SPAG16: variants seen among roughly 807,000 people sequenced by gnomAD.
SPAG16 encodes the protein sperm associated antigen 16, also known as sperm-associated antigen 16 protein.
SPAG16 carries 86 observed loss-of-function variants against 80.4 expected under a neutral mutation model. The ratio of observed to expected loss-of-function variants is 1.07; its 90% CI spans 0.90 to 1.28. The LOEUF is 1.28. Ranked by LOEUF, SPAG16 falls within the 50% of genes most tolerant of loss-of-function variation. SPAG16 has a pLI of 0.00. For synonymous variants in SPAG16, 294 were observed against 265.9 expected, an observed-to-expected ratio of 1.11 and a Z score of -1.03; for missense variants, 870 against 765.3, an observed-to-expected ratio of 1.14 and a Z score of -1.61.
At chr2:213,892,375 C>A (rs10932509) in intron 11 of SPAG16, among the ~76,000 whole-genome samples, 90,371 of 151,864 alleles carry the variant, frequency 0.6, 28,757 homozygotes, top group South Asian at 0.85. Context: ...GAAATAAATA[C>A]CTAATCTTTC....
intron 10 of SPAG16, among the ~76,000 whole-genome samples, chr2:213,622,214 T>C (rs1224701861): frequency 6.6e-6 from 1 of 152,202 alleles, no homozygotes; most frequent in Non-Finnish European, 1.5e-5. Context: ...AAATTGACTC[T>C]TACGGTCTTA....
intron 12 of SPAG16, among the ~76,000 whole-genome samples, chr2:213,962,135 C>A (rs528065423): frequency 6.6e-6 from 1 of 151,410 alleles, no homozygotes; most frequent in Admixed American, 6.6e-5. Context: ...GCATTTAAAG[C>A]GGTAATTATG....
chr2:213,944,928 C>T (rs2079375973), intron 12 of SPAG16, among the ~76,000 whole-genome samples: 1 of 151,938 alleles, frequency 6.6e-6, no homozygotes, highest in African/African-American at 2.4e-5. Flanking sequence ...ATCCCAGCTA[C>T]TTGGGAGGCT....
intron 15 of SPAG16, among the ~76,000 whole-genome samples, chr2:214,216,604 G>A (rs1474071105): frequency 6.6e-6 from 1 of 152,230 alleles, no homozygotes; most frequent in Non-Finnish European, 1.5e-5. Flanking sequence ...ACAGGCGTGA[G>A]CCACTGCGCC....
At chr2:214,126,045 TCCTTCCTTCCTTC>T (rs1559823113) in intron 14 of SPAG16, among the ~76,000 whole-genome samples, 1 of 31,238 alleles carries the variant, frequency 3.2e-5, no homozygotes, top group Non-Finnish European at 7.1e-5. Context: ...CTTCCTTCCT[TCCTTCCTTCCTTC>T]CTTTTTTTTT....
At chr2:214,341,611 G>GA (rs938020814) in intron 15 of SPAG16, among the ~76,000 whole-genome samples, 3 of 151,990 alleles carry the variant, frequency 2.0e-5, no homozygotes, top group East Asian at 1.9e-4. Flanking sequence ...GATTCTGGAT[G>GA]AAAAAAAATG....
chr2:213,982,351 GTTTA>G (rs2045791706), intron 12 of SPAG16, among the ~76,000 whole-genome samples: 1 of 151,634 alleles, frequency 6.6e-6, no homozygotes, highest in Admixed American at 6.6e-5. Context: ...GAGGTCAACT[GTTTA>G]ATATGTTTAA....
chr2:214,065,300 G>T (rs908596517), intron 13 of SPAG16, among the ~76,000 whole-genome samples: 5 of 151,766 alleles, frequency 3.3e-5, no homozygotes, highest in Non-Finnish European at 4.4e-5. Context: ...AATTGCAAAG[G>T]GATTTTGACC....
At chr2:214,100,681 G>A (rs535208245) in intron 13 of SPAG16, among the ~76,000 whole-genome samples, 117 of 152,164 alleles carry the variant, frequency 7.7e-4, no homozygotes, top group African/African-American at 2.8e-3. Flanking sequence ...TTAAGATAAT[G>A]ACCTCCAGCT....
chr2:213,741,885 A>G (rs553312369), intron 10 of SPAG16, among the ~76,000 whole-genome samples: 33 of 152,166 alleles, frequency 2.2e-4, no homozygotes, highest in Non-Finnish European at 3.8e-4. Flanking sequence ...TCTCTTGTCT[A>G]ATATTTATAG....
At chr2:213,676,060 A>C (rs1400085117) in intron 10 of SPAG16, among the ~76,000 whole-genome samples, 11 of 152,056 alleles carry the variant, frequency 7.2e-5, no homozygotes, top group South Asian at 2.1e-4. Context: ...CTTTTATTTC[A>C]CTGAGCAGTG....
intron 7 of SPAG16, among the ~76,000 whole-genome samples, chr2:213,356,209 T>A (rs2065640685): frequency 1.3e-5 from 2 of 152,148 alleles, no homozygotes. Context: ...TAAAATTCTC[T>A]TTTTTTGTTG....
At chr2:214,047,601 A>G (rs1285862484) in intron 13 of SPAG16, among the ~76,000 whole-genome samples, 1 of 152,154 alleles carries the variant, frequency 6.6e-6, no homozygotes, top group East Asian at 1.9e-4. Context: ...ACAAGAAAAC[A>G]TTGGTGAAAA....
intron 10 of SPAG16, among the ~76,000 whole-genome samples, chr2:213,795,804 G>C (rs926519439): frequency 2.6e-5 from 4 of 152,096 alleles, no homozygotes; most frequent in Admixed American, 1.3e-4. Context: ...CACATAAAAC[G>C]TACCTGCTTT....
At chr2:213,702,464 C>T (rs1447366802) in intron 10 of SPAG16, among the ~76,000 whole-genome samples, 2 of 152,146 alleles carry the variant, frequency 1.3e-5, no homozygotes, top group East Asian at 1.9e-4. Context: ...AGTGAGACCA[C>T]GAACTCACCA....
At chr2:213,380,079 T>C (rs538322707) in intron 9 of SPAG16, among the ~76,000 whole-genome samples, 2 of 152,310 alleles carry the variant, frequency 1.3e-5, no homozygotes, top group African/African-American at 4.8e-5. Flanking sequence ...TTGTCACCAA[T>C]TTTCCAATCG....
At chr2:213,380,036 G>T (rs1446593753) in intron 9 of SPAG16, among the ~76,000 whole-genome samples, 2 of 152,162 alleles carry the variant, frequency 1.3e-5, no homozygotes, top group East Asian at 3.9e-4. Context: ...CCACTCAGAG[G>T]TGTCCATCCA....
rs1426245676 is a variant in SPAG16, at chr2:213,572,773, G to C, written c.1070+82683G>C. Among the ~76,000 whole-genome samples the C allele has an allele frequency of 2.0e-5, 3 of 152,168 alleles. No homozygotes were observed. In the East Asian group the frequency reaches 5.8e-4, roughly 30 times the overall value. On this transcript the variant is annotated intron_variant, in intron 10 of 15. Coordinates refer to ENST00000331683, the MANE Select transcript of SPAG16 (RefSeq NM_024532.5). ...AGCTGTGGTGGGCTCTACCCAGTTCGAGCTTCCTGGCTGCTTTGTTTACCT... is the reference window on the plus strand; with the variant it reads ...AGCTGTGGTGGGCTCTACCCAGTTCCAGCTTCCTGGCTGCTTTGTTTACCT...
intron 13 of SPAG16, among the ~76,000 whole-genome samples, chr2:214,056,830 T>A (rs2125156578): frequency 6.6e-6 from 1 of 152,324 alleles, no homozygotes; most frequent in South Asian, 2.1e-4. Flanking sequence ...CAGTTAAGTT[T>A]ATGGAATGTT....
Sources: gnomAD v4.1 joint callset for allele counts (sites outside exome capture counted in the v4.1 genomes callset) on GRCh38, gnomAD v4.1.1 for gene constraint, MANE v1.5 for transcripts, NCBI Gene and HGNC (gene_info 2026-07-23, HGNC 2026-07-21) for gene names.